The following TBC1D16 variants were observed in gnomAD, a reference collection of about 807,000 sequenced individuals.
The protein encoded by TBC1D16 is TBC1 domain family member 16.
A neutral mutation model predicts 74.7 loss-of-function variants in TBC1D16; 58 were observed. The ratio of observed to expected loss-of-function variants is 0.78; its 90% CI spans 0.63 to 0.97. TBC1D16 has a LOEUF of 0.97. Among genes scored for constraint, TBC1D16 ranks in the 50% least tolerant of loss-of-function variants. The pLI is 0.00. For synonymous variants in TBC1D16, 493 were observed against 474.7 expected (o/e 1.04, Z -0.50); for missense variants, 1,014 against 1,079.5 (o/e 0.94, Z 0.85).
chr17:79,943,038 G>T (rs561596768), intron 10 of TBC1D16, among the ~76,000 whole-genome samples: 5 of 152,338 alleles, frequency 3.3e-5, no homozygotes, highest in South Asian at 2.1e-4. Context: ...AAGGACGGGG[G>T]CACTGGGAAG....
chr17:80,029,621 A>G (rs2036707839), intron 1 of TBC1D16, among the ~76,000 whole-genome samples: 1 of 152,206 alleles, frequency 6.6e-6, no homozygotes, highest in Non-Finnish European at 1.5e-5. Flanking sequence ...GTCCTCCTCA[A>G]TGTAGAAAGT....
rs112255708 is a variant in TBC1D16 at position 79,993,019 on chromosome 17, G to A, written c.779+17141C>T. ...GTACCAGGCCAACACCAGTCCCAGC[G>A]GATGGCACAGAGATGGGCACTGCTC... On this transcript the variant is annotated intron_variant, in intron 3 of 11. Transcript: ENST00000310924. The surrounding 1 kb of genome is among the most constrained non-coding windows in gnomAD (Gnocchi z 5.1). Among the ~76,000 whole-genome samples the A allele has an allele frequency of 3.5e-4, 53 of 152,332 alleles. 1 individual carries two copies. Among genetic ancestry groups the A allele is most frequent in the African/African-American group, 6.5e-4 (27 of 41,560 alleles).
rs547394775 is a variant in TBC1D16 at position 79,975,113 on chromosome 17, C to T, written c.780-22295G>A. On this transcript the variant is annotated intron_variant, in intron 3 of 11. Transcript: ENST00000310924. The surrounding 1 kb of genome is among the most constrained non-coding windows in gnomAD (Gnocchi z 4.5). ...AACGTTACTTGCAAGGCCACAAACACCCGGAACAATCCGCCAGGCCGCGTC... is the reference window on the plus strand; with the variant it reads ...AACGTTACTTGCAAGGCCACAAACATCCGGAACAATCCGCCAGGCCGCGTC... Among the ~76,000 whole-genome samples, 49 of 152,376 alleles carry T rather than the reference C, an allele frequency of 3.2e-4. No individual in the cohort carries two copies. In the East Asian group the frequency reaches 8.3e-3, roughly 26 times the overall value.
intron 8 of TBC1D16, among the ~76,000 whole-genome samples, chr17:79,948,033 G>A (rs530912904): frequency 8.5e-5 from 13 of 152,318 alleles, no homozygotes; most frequent in African/African-American, 2.6e-4. Flanking sequence ...TGGCCTGGCC[G>A]GGCGCGGTGG....
chr17:79,976,510 T>C (rs1293031864), intron 3 of TBC1D16, among the ~76,000 whole-genome samples: 1 of 152,144 alleles, frequency 6.6e-6, no homozygotes, highest in African/African-American at 2.4e-5. Context: ...GTCGGTCACA[T>C]GTGCGGTGTG....
chr17:80,033,779 A>G (rs550992604), intron 1 of TBC1D16, among the ~76,000 whole-genome samples: 5 of 152,332 alleles, frequency 3.3e-5, no homozygotes, highest in South Asian at 4.1e-4. Flanking sequence ...TGCAAACTCA[A>G]TGGCTTTATC....
At chr17:79,943,865 A>G (rs933029473) in intron 10 of TBC1D16, 4 of 1,395,134 alleles carry the variant, frequency 2.9e-6, no homozygotes, top group Non-Finnish European at 3.7e-6. Flanking sequence ...CCACTGGGAA[A>G]ACGTGCAATG....
rs2035447511 is a variant in TBC1D16, at chr17:80,000,489, A to G, written c.779+9671T>C. 6.6e-6 allele frequency among the ~76,000 whole-genome samples: 1 copy of G among 152,198 alleles called. No homozygotes were observed. The highest frequency in any genetic ancestry group is 6.5e-5 in the Admixed American group (1 of 15,278). On this transcript the variant is annotated intron_variant, in intron 3 of 11. Coordinates refer to ENST00000310924, the MANE Select transcript of TBC1D16 (RefSeq NM_019020.4). This position sits in a 1 kb window ranked among gnomAD's most constrained non-coding sequence, Gnocchi z 4.1. Reference sequence around the variant, plus strand: ...AAGAGACCAGGAAGGACCCTCCCCTAGACCTTCCAGAGGGAGCGTGGCTCT... The same window carrying G: ...AAGAGACCAGGAAGGACCCTCCCCTGGACCTTCCAGAGGGAGCGTGGCTCT...
chr17:79,943,777 G>A, intron 10 of TBC1D16: 2 of 1,219,500 alleles, frequency 1.6e-6, no homozygotes, highest in Non-Finnish European at 1.0e-6. Flanking sequence ...CATGGGAAAG[G>A]GACCCATCTG....
In TBC1D16 at chr17:80,001,880, C is replaced by G. The variant is rs1195312267; in HGVS notation, c.779+8280G>C. Among the ~76,000 whole-genome samples the G allele has an allele frequency of 6.6e-6, 1 of 151,876 alleles. No homozygotes were observed. Among genetic ancestry groups the G allele is most frequent in the Admixed American group, 6.6e-5 (1 of 15,242 alleles). ...CTCCTGCTCCCTTCCTCATCCCCTG[C>G]TTTGTGTCCCCGTCTCCTGCTCCAG... On this transcript the variant is annotated intron_variant, in intron 3 of 11. Coordinates refer to ENST00000310924, the MANE Select transcript of TBC1D16 (RefSeq NM_019020.4). The surrounding 1 kb of genome is among the most constrained non-coding windows in gnomAD (Gnocchi z 5.8).
intron 3 of TBC1D16, among the ~76,000 whole-genome samples, chr17:79,963,503 G>T (rs2033712753): frequency 6.6e-6 from 1 of 152,142 alleles, no homozygotes; most frequent in Non-Finnish European, 1.5e-5. Context: ...CCAATTGACG[G>T]GTTGCTCTAT....
chr17:79,946,331 C>T (rs917135095), intron 9 of TBC1D16, among the ~76,000 whole-genome samples: 5 of 152,232 alleles, frequency 3.3e-5, no homozygotes, highest in East Asian at 1.9e-4. Context: ...AGGGTTCTCG[C>T]GTTCGAGCTT....
rs753499717 is a variant in TBC1D16 at position 79,940,968 on chromosome 17, G to A, written c.2195C>T (p.Ser732Leu). The A allele has an allele frequency of 1.3e-5, 21 of 1,604,870 alleles. No individual in the cohort carries two copies. The highest frequency in any genetic ancestry group is 3.4e-5 in the Admixed American group (2 of 59,350). ...CGTGCCCCCGTAGGGACAGCTCTCC[G>A]AGCCGGGATGGTGGCCGGTGCACTC... is the stretch of plus-strand genomic sequence containing the variant. ...AVECTGHHPG[S>L]ESCPYGGTVE... The change falls in exon 12 of 12, where the codon TCG becomes TTG. Residue 732 changes from serine (S) to leucine (L), a missense_variant. Ser to Leu is a moderately radical substitution (Grantham distance 145). Transcript: ENST00000310924. The surrounding 1 kb of genome is among the most constrained non-coding windows in gnomAD (Gnocchi z 5.4).
At chr17:79,943,123 C>T (rs886497589) in intron 10 of TBC1D16, among the ~76,000 whole-genome samples, 1 of 152,228 alleles carries the variant, frequency 6.6e-6, no homozygotes, top group African/African-American at 2.4e-5. Context: ...GAGCGGAGCA[C>T]ACCATGAGGG....
chr17:80,024,370 C>CACACCAT (rs2036413320), intron 1 of TBC1D16, among the ~76,000 whole-genome samples: 1 of 104,898 alleles, frequency 9.5e-6, no homozygotes, highest in African/African-American at 3.5e-5. Flanking sequence ...ACACACACCA[C>CACACCAT]AGACACACAC....
rs1378126839 is a variant in TBC1D16, at chr17:79,947,765, C to G, written c.1608G>C (p.Leu536=). 6.2e-7 allele frequency: 1 copy of G among 1,613,878 alleles called. No homozygotes were observed. The highest frequency in any genetic ancestry group is 8.5e-7 in the Non-Finnish European group (1 of 1,180,048). The stretch of plus-strand genomic sequence containing the variant: ...GGACCTCGGCCAAGATGGGCGCCAC[C>G]AGGTCCGACATCCCTTGGGAATAGC... ...AVGYSQGMSD[L]VAPILAEVLD... The change falls in exon 9 of 12, where the codon CTG becomes CTC. Residue 536 remains leucine (L), a synonymous_variant. Coordinates refer to ENST00000310924, the MANE Select transcript of TBC1D16 (RefSeq NM_019020.4).
chr17:79,940,130 A>G lies in TBC1D16; in HGVS notation c.*729T>C, dbSNP rs2143341220. On this transcript the variant is annotated 3_prime_UTR_variant, in exon 12 of 12. Transcript: ENST00000310924. The surrounding 1 kb of genome is among the most constrained non-coding windows in gnomAD (Gnocchi z 5.4). ...AAAAGGCATCAGATGCTTCTCCAAC[A>G]GCCTGAGGCTCAGGCTCCTGGGCAG... is the stretch of plus-strand genomic sequence containing the variant. 1 of 152,296 alleles carries G rather than the reference A, an allele frequency of 6.6e-6. No homozygotes were observed. The highest frequency in any genetic ancestry group is 1.9e-4 in the East Asian group (1 of 5,184). 9.4% of individuals were successfully genotyped at this position (152,296 alleles called of 1,614,324 possible).
intron 3 of TBC1D16, among the ~76,000 whole-genome samples, chr17:79,995,957 C>T (rs560678822): frequency 6.6e-6 from 1 of 152,264 alleles, no homozygotes; most frequent in South Asian, 2.1e-4. Flanking sequence ...AAAAGAACTA[C>T]AGACTGGGAG....
At chr17:79,966,453 T>C (rs1026004373) in intron 3 of TBC1D16, among the ~76,000 whole-genome samples, 1 of 151,852 alleles carries the variant, frequency 6.6e-6, no homozygotes, top group Non-Finnish European at 1.5e-5. Flanking sequence ...CAGGACCTCC[T>C]CTCCCCAGGA....
Sources: gnomAD v4.1 joint callset for allele counts (sites outside exome capture counted in the v4.1 genomes callset) on GRCh38, gnomAD v4.1.1 for gene constraint, Gnocchi (gnomAD v3.1) non-coding constraint, MANE v1.5 for transcripts, NCBI Gene and HGNC (gene_info 2026-07-23, HGNC 2026-07-21) for gene names.